Variants in RORA observed in about 807,000 individuals in gnomAD.
RORA encodes RAR related orphan receptor A.
In RORA, 7 loss-of-function variants were observed where a neutral mutation model predicts 69.5. The ratio of observed to expected loss-of-function variants is 0.10; its 90% CI spans 0.06 to 0.19. The LOEUF is 0.19. Among genes scored for constraint, RORA ranks in the 10% least tolerant of loss-of-function variants. The pLI is 1.00. For synonymous variants in RORA, 261 were observed against 240.8 expected, an observed-to-expected ratio of 1.08 and a Z score of -0.78; for missense variants, 457 against 663.0, an observed-to-expected ratio of 0.69 and a Z score of 3.41.
chr15:60,750,384 GACAT>G (rs2140859949), intron 1 of RORA, among the ~76,000 whole-genome samples: 1 of 152,358 alleles, frequency 6.6e-6, no homozygotes, highest in South Asian at 2.1e-4. Flanking sequence ...CAAATGAAGT[GACAT>G]ACAGAGAACA....
chr15:60,562,555 C>T (rs1256307971), intron 2 of RORA, among the ~76,000 whole-genome samples: 1 of 151,858 alleles, frequency 6.6e-6, no homozygotes, highest in East Asian at 1.9e-4. Context: ...CCTGCCTCAG[C>T]GTCCCAAGTA....
intron 1 of RORA, among the ~76,000 whole-genome samples, chr15:60,860,574 A>C (rs1466417254): frequency 6.6e-6 from 1 of 152,224 alleles, no homozygotes; most frequent in African/African-American, 2.4e-5. Context: ...ATAAAACATC[A>C]ACCCACGGTC....
At chr15:61,023,475 G>C (rs1895647754) in intron 1 of RORA, among the ~76,000 whole-genome samples, 1 of 152,138 alleles carries the variant, frequency 6.6e-6, no homozygotes, top group Non-Finnish European at 1.5e-5. Flanking sequence ...CCACCCCCAT[G>C]ATTCAAATTA....
chr15:60,933,295 T>C (rs185410726), intron 1 of RORA, among the ~76,000 whole-genome samples: 14 of 152,320 alleles, frequency 9.2e-5, no homozygotes, highest in African/African-American at 3.1e-4. Context: ...TCCTCTATTA[T>C]TCTCCCTGTA....
intron 2 of RORA, among the ~76,000 whole-genome samples, chr15:60,631,136 C>T (rs1297273019): frequency 2.0e-5 from 3 of 152,092 alleles, no homozygotes; most frequent in Non-Finnish European, 2.9e-5. Context: ...GTGATCCACC[C>T]GCCTCGGCCT....
chr15:61,043,345 T>C (rs1896873868), intron 1 of RORA, among the ~76,000 whole-genome samples: 1 of 152,140 alleles, frequency 6.6e-6, no homozygotes, highest in Non-Finnish European at 1.5e-5. Context: ...CAACTCCTCA[T>C]CTCACAGATG....
At chr15:60,718,836 A>G (rs1222227984) in intron 1 of RORA, among the ~76,000 whole-genome samples, 2 of 152,232 alleles carry the variant, frequency 1.3e-5, no homozygotes, top group Non-Finnish European at 2.9e-5. Context: ...AAGGAATTGT[A>G]CAAATATTTA....
chr15:60,922,077 G>A (rs1159720587), intron 1 of RORA, among the ~76,000 whole-genome samples: 1 of 152,092 alleles, frequency 6.6e-6, no homozygotes, highest in Non-Finnish European at 1.5e-5. Context: ...ACAGATATAT[G>A]CTTGTTTTTG....
At chr15:61,228,856 G>C (rs551070065) in intron 1 of RORA, among the ~76,000 whole-genome samples, 197 bp downstream of exon 1, 1 of 150,532 alleles carries the variant, frequency 6.6e-6, no homozygotes, top group East Asian at 2.0e-4. Context: ...CCCGCAAGCC[G>C]AGAACGGGCT....
intron 1 of RORA, among the ~76,000 whole-genome samples, chr15:60,958,289 T>G (rs933372914): frequency 9.2e-5 from 14 of 152,308 alleles, no homozygotes; most frequent in African/African-American, 3.4e-4. Flanking sequence ...AGCATCAAAT[T>G]CCATTTCATC....
chr15:61,089,336 CAG>C (rs1282859462), intron 1 of RORA, among the ~76,000 whole-genome samples: 1 of 152,198 alleles, frequency 6.6e-6, no homozygotes, highest in Non-Finnish European at 1.5e-5. Context: ...CACAGAAGAA[CAG>C]AGACCTTGCT....
intron 1 of RORA, among the ~76,000 whole-genome samples, chr15:60,691,556 G>C (rs186625201): frequency 6.6e-6 from 1 of 152,276 alleles, no homozygotes; most frequent in Admixed American, 6.5e-5. Flanking sequence ...AAGACAAGAG[G>C]AGCATAGAGG....
intron 1 of RORA, among the ~76,000 whole-genome samples, chr15:61,151,374 A>T (rs2079396634): frequency 6.6e-6 from 1 of 152,228 alleles, no homozygotes; most frequent in Non-Finnish European, 1.5e-5. Context: ...AAATAGGCTG[A>T]GTGAATAGAT....
chr15:60,846,331 T>C (rs1274517238), intron 1 of RORA, among the ~76,000 whole-genome samples: 1 of 152,230 alleles, frequency 6.6e-6, no homozygotes, highest in African/African-American at 2.4e-5. Flanking sequence ...ACTGTATAAA[T>C]ATTTATTAAT....
At chr15:60,642,451 C>A (rs2069960777) in intron 2 of RORA, among the ~76,000 whole-genome samples, 1 of 152,132 alleles carries the variant, frequency 6.6e-6, no homozygotes. Context: ...CTAAGTAAAG[C>A]CCTGCTTAGA....
chr15:60,655,679 C>T (rs535998449), intron 2 of RORA, among the ~76,000 whole-genome samples: 1 of 152,264 alleles, frequency 6.6e-6, no homozygotes, highest in African/African-American at 2.4e-5. Context: ...CCTTCTCTGT[C>T]TCTTTGGATG....
chr15:60,519,741 C>T (rs1454004169), intron 3 of RORA, among the ~76,000 whole-genome samples: 1 of 152,156 alleles, frequency 6.6e-6, no homozygotes, highest in Non-Finnish European at 1.5e-5. Flanking sequence ...AAATCAGTCT[C>T]ATGAGTCCAT....
At chr15:60,684,006 T>C (rs1005376172) in intron 1 of RORA, among the ~76,000 whole-genome samples, 26 of 152,198 alleles carry the variant, frequency 1.7e-4, no homozygotes, top group Admixed American at 9.8e-4. Context: ...CAGTGCCAAA[T>C]CTTGGACCAG....
At chr15:60,860,919 G>A (rs1020716982) in intron 1 of RORA, among the ~76,000 whole-genome samples, 4 of 152,168 alleles carry the variant, frequency 2.6e-5, no homozygotes, top group Non-Finnish European at 4.4e-5. Context: ...CAGGCCTGGG[G>A]CAGGAGATTC....
Sources: allele counts gnomAD v4.1 joint callset (sites outside exome capture counted in the v4.1 genomes callset), GRCh38; gene constraint gnomAD v4.1.1; transcripts MANE v1.5; gene names NCBI Gene and HGNC (gene_info 2026-07-23, HGNC 2026-07-21).